The following LGR6 variants were observed in gnomAD, a reference collection of about 807,000 sequenced individuals.
The protein encoded by LGR6 is leucine rich repeat containing G protein-coupled receptor 6, also known as leucine-rich repeat-containing G protein-coupled receptor 6.
Under a neutral mutation model 69.4 loss-of-function variants are expected in LGR6, and 45 were observed. The ratio of observed to expected loss-of-function variants is 0.65; its 90% CI spans 0.51 to 0.83. The LOEUF (loss-of-function observed/expected upper bound fraction) is 0.83, where lower values mean the gene tolerates loss of function less well. Ranked by LOEUF, LGR6 falls within the 40% of genes least tolerant of loss-of-function variation. LGR6 has a pLI of 0.00. For missense variants in LGR6, 1,108 were observed against 1,246.7 expected (o/e 0.89, Z 1.68); for synonymous variants, 538 against 555.0 (o/e 0.97, Z 0.43).
chr1:202,283,815 C>T (rs1181488563), intron 6 of LGR6, among the ~76,000 whole-genome samples: 1 of 152,144 alleles, frequency 6.6e-6, no homozygotes, highest in Non-Finnish European at 1.5e-5. Context: ...CAGAAATGCC[C>T]ATCACAAATG....
Position 202,304,647 on chromosome 1 carries a change from A to T in LGR6, c.1070+17A>T, listed in dbSNP as rs1200597504. On this transcript the variant is annotated intron_variant, in intron 11 of 17. Coordinates refer to ENST00000367278, the MANE Select transcript of LGR6 (RefSeq NM_001017403.2). ...CCGAGTCCTGTGAGTGCTCACAAGAATTCTACAGTCTTGGCATTGTGCCCC... is the reference window on the plus strand; with the variant it reads ...CCGAGTCCTGTGAGTGCTCACAAGATTTCTACAGTCTTGGCATTGTGCCCC... The T allele has an allele frequency of 6.3e-7, 1 of 1,597,356 alleles. No homozygotes were observed. The highest frequency in any genetic ancestry group is 8.6e-7 in the Non-Finnish European group (1 of 1,166,174).
chr1:202,249,521 A>G (rs999259660), intron 4 of LGR6, among the ~76,000 whole-genome samples: 1 of 152,226 alleles, frequency 6.6e-6, no homozygotes, highest in Non-Finnish European at 1.5e-5. Flanking sequence ...GATTGGTACA[A>G]TGAACGGCCT....
chr1:202,225,506 C>G lies in LGR6; in HGVS notation c.284+12C>G. On this transcript the variant is annotated intron_variant, in intron 2 of 17. Transcript: ENST00000367278. ...TTCTTGGAGGAGCTGTGAGTAGATG[C>G]TTTGCAGGGTGGGAGGCAAGCATGG... 6.2e-7 allele frequency: 1 copy of G among 1,611,748 alleles called. No homozygotes were observed. Among genetic ancestry groups the G allele is most frequent in the Non-Finnish European group, 8.5e-7 (1 of 1,177,972 alleles).
intron 4 of LGR6, among the ~76,000 whole-genome samples, chr1:202,270,028 G>T (rs1664962051): frequency 6.6e-6 from 1 of 152,130 alleles, no homozygotes; most frequent in South Asian, 2.1e-4. Context: ...ATATAAGATG[G>T]ATTAGAGAAA....
At chr1:202,313,078 T>G (rs892504302) in intron 16 of LGR6, among the ~76,000 whole-genome samples, 1 of 151,696 alleles carries the variant, frequency 6.6e-6, no homozygotes. Flanking sequence ...ATACAAAAAA[T>G]TAGCCAGGCG....
Position 202,288,426 on chromosome 1 carries a change from A to G in LGR6, c.716+7574A>G, listed in dbSNP as rs75596046. The stretch of plus-strand genomic sequence containing the variant: ...TCTTTGCAGCACTTGACCCAGTGCC[A>G]GGCACAGGGAAGGTACTCAATAAAT... On this transcript the variant is annotated intron_variant, in intron 6 of 17. Transcript: ENST00000367278. Among the ~76,000 whole-genome samples, 670 of 152,318 alleles carry G rather than the reference A, an allele frequency of 4.4e-3. 5 individuals are homozygous for G. The highest frequency in any genetic ancestry group is 0.015 in the African/African-American group (634 of 41,556).
intron 11 of LGR6, among the ~76,000 whole-genome samples, chr1:202,304,976 C>A (rs1482224478): frequency 6.6e-6 from 1 of 152,074 alleles, no homozygotes; most frequent in Non-Finnish European, 1.5e-5. Context: ...AAAATTAGTC[C>A]CCTCTTGGGA....
intron 3 of LGR6, among the ~76,000 whole-genome samples, chr1:202,228,656 A>G (rs1033793113): frequency 2.6e-5 from 4 of 152,122 alleles, no homozygotes; most frequent in Non-Finnish European, 4.4e-5. Flanking sequence ...TCCTCAACTC[A>G]TGACTCACCT....
intron 1 of LGR6, among the ~76,000 whole-genome samples, chr1:202,200,286 C>G (rs1262965579): frequency 6.6e-6 from 1 of 152,240 alleles, no homozygotes; most frequent in African/African-American, 2.4e-5. Context: ...GAGAGTACAG[C>G]TTCTCCCCAG....
intron 6 of LGR6, among the ~76,000 whole-genome samples, chr1:202,296,225 G>A (rs760943333): frequency 6.6e-6 from 1 of 152,054 alleles, no homozygotes; most frequent in Non-Finnish European, 1.5e-5. Flanking sequence ...GAGGGATGCT[G>A]TAACTAAGTC....
At chr1:202,284,479 A>G (rs1455356513) in intron 6 of LGR6, among the ~76,000 whole-genome samples, 2 of 152,202 alleles carry the variant, frequency 1.3e-5, no homozygotes, top group Admixed American at 1.3e-4. Flanking sequence ...ACTAGAAACC[A>G]TACCTCTTGC....
At chr1:202,218,579 A>T (rs757905205) in intron 1 of LGR6, among the ~76,000 whole-genome samples, 1 of 152,194 alleles carries the variant, frequency 6.6e-6, no homozygotes, top group Non-Finnish European at 1.5e-5. Flanking sequence ...AGGCCAGGGA[A>T]GCAAAAAGCT....
chr1:202,229,891 A>G (rs1660873425), intron 3 of LGR6, among the ~76,000 whole-genome samples: 1 of 152,198 alleles, frequency 6.6e-6, no homozygotes, highest in Non-Finnish European at 1.5e-5. Flanking sequence ...TACATGCTTC[A>G]AAGCAGAAGA....
chr1:202,236,100 T>C (rs1248377185), intron 4 of LGR6, 107 bp downstream of exon 4: 3 of 860,696 alleles, frequency 3.5e-6, no homozygotes, highest in Non-Finnish European at 5.7e-6. Context: ...GCGCCCCCTC[T>C]CCCAGTCCAC....
At chr1:202,194,806 C>T (rs1284091024) in intron 1 of LGR6, among the ~76,000 whole-genome samples, 1 of 152,194 alleles carries the variant, frequency 6.6e-6, no homozygotes, top group Non-Finnish European at 1.5e-5. Flanking sequence ...CTGGGGCCTC[C>T]TGGCTCCCCC....
At chr1:202,259,448 T>C (rs1353360945) in intron 4 of LGR6, among the ~76,000 whole-genome samples, 1 of 152,192 alleles carries the variant, frequency 6.6e-6, no homozygotes, top group East Asian at 1.9e-4. Context: ...TCTTTAGTGT[T>C]TGATCTCTTT....
intron 6 of LGR6, among the ~76,000 whole-genome samples, chr1:202,288,599 C>T (rs916405611): frequency 9.9e-5 from 15 of 152,150 alleles, no homozygotes; most frequent in Non-Finnish European, 1.6e-4. Flanking sequence ...ATCTATACTC[C>T]GAGATATGCA....
intron 17 of LGR6, among the ~76,000 whole-genome samples, 153 bp downstream of exon 17, chr1:202,315,035 T>C (rs1201373414): frequency 6.6e-6 from 1 of 152,232 alleles, no homozygotes; most frequent in Non-Finnish European, 1.5e-5. Context: ...TCGTAATTCC[T>C]GGGGAAGGAA....
chr1:202,208,162 C>T (rs957672440), intron 1 of LGR6, among the ~76,000 whole-genome samples: 7 of 152,214 alleles, frequency 4.6e-5, no homozygotes, highest in Admixed American at 2.6e-4. Flanking sequence ...CCAATTTCGT[C>T]GCAACCCTCC....
Sources: allele counts gnomAD v4.1 joint callset (sites outside exome capture counted in the v4.1 genomes callset), GRCh38; gene constraint gnomAD v4.1.1; transcripts MANE v1.5; gene names NCBI Gene and HGNC (gene_info 2026-07-23, HGNC 2026-07-21).